APBA2: variants seen among roughly 807,000 people sequenced by gnomAD.
The protein encoded by APBA2 is amyloid-beta A4 precursor protein-binding family A member 2.
APBA2 carries 30 observed loss-of-function variants against 75.0 expected under a neutral mutation model. The observed-to-expected ratio is 0.40, with a 90% CI of 0.30 to 0.54. The LOEUF is 0.54. Among genes scored for constraint, APBA2 ranks in the 20% least tolerant of loss-of-function variants. APBA2 has a pLI of 0.49. For synonymous variants in APBA2, 444 were observed against 409.6 expected (o/e 1.08, Z -1.01); for missense variants, 801 against 1,016.1 (o/e 0.79, Z 2.88).
chr15:29,097,851 C>G (rs1338161422), intron 8 of APBA2, among the ~76,000 whole-genome samples: 1 of 152,200 alleles, frequency 6.6e-6, no homozygotes, highest in East Asian at 1.9e-4. Context: ...CCATTCAGCT[C>G]TCTACTTCTG....
chr15:29,076,232 G>A, intron 6 of APBA2, 141 bp downstream of exon 6: 1 of 924,522 alleles, frequency 1.1e-6, no homozygotes, highest in Non-Finnish European at 1.8e-6. Context: ...GCCATTGTCT[G>A]TTTGAACACT....
chr15:28,905,015 C>G (rs1849931359), intron 1 of APBA2, among the ~76,000 whole-genome samples: 1 of 152,142 alleles, frequency 6.6e-6, no homozygotes, highest in South Asian at 2.1e-4. Flanking sequence ...TTGAACATGT[C>G]TTATTTTGCT....
chr15:28,913,496 C>T (rs2033528811), intron 1 of APBA2, among the ~76,000 whole-genome samples: 1 of 152,152 alleles, frequency 6.6e-6, no homozygotes, highest in Admixed American at 6.5e-5. Context: ...GGTTTGCAAG[C>T]CACTCCCTGG....
chr15:28,952,472 CA>C (rs1300359383), intron 2 of APBA2, among the ~76,000 whole-genome samples: 2 of 152,100 alleles, frequency 1.3e-5, no homozygotes, highest in African/African-American at 4.8e-5. Flanking sequence ...GTTGAGGCTG[CA>C]GTGAGCCATG....
chr15:28,901,519 T>C (rs1442962426), intron 1 of APBA2, among the ~76,000 whole-genome samples: 1 of 152,196 alleles, frequency 6.6e-6, no homozygotes, highest in African/African-American at 2.4e-5. Flanking sequence ...GTGCTGTGTG[T>C]GGTTCAGAAG....
At chr15:29,112,179 C>T (rs1039896391) in intron 13 of APBA2, among the ~76,000 whole-genome samples, 1 of 152,218 alleles carries the variant, frequency 6.6e-6, no homozygotes, top group Non-Finnish European at 1.5e-5. Flanking sequence ...ATCCCGGGAG[C>T]TGGTGGGCAG....
intron 9 of APBA2, among the ~76,000 whole-genome samples, chr15:29,099,516 C>T (rs370167568): frequency 6.6e-6 from 1 of 152,230 alleles, no homozygotes; most frequent in South Asian, 2.1e-4. Context: ...GCACCCTCTG[C>T]CTGGCAGCTA....
At chr15:29,070,782 G>A (rs1042037414) in intron 4 of APBA2, 13 of 267,678 alleles carry the variant, frequency 4.9e-5, no homozygotes, top group South Asian at 1.1e-4. Context: ...AGCGGGTCTC[G>A]GCCGCCCCTT....
At chr15:29,056,960 TAAC>T (rs891237425) in intron 4 of APBA2, among the ~76,000 whole-genome samples, 2 of 152,004 alleles carry the variant, frequency 1.3e-5, no homozygotes, top group African/African-American at 4.8e-5. Flanking sequence ...TTGCTTGAAA[TAAC>T]AACCTGCTTT....
intron 1 of APBA2, among the ~76,000 whole-genome samples, chr15:28,886,788 A>T (rs1183168090): frequency 6.6e-6 from 1 of 152,148 alleles, no homozygotes; most frequent in African/African-American, 2.4e-5. Context: ...CCAGAGGGGA[A>T]AACTTATCAA....
chr15:29,100,930 G>A (rs2044089756), intron 9 of APBA2, among the ~76,000 whole-genome samples: 1 of 152,212 alleles, frequency 6.6e-6, no homozygotes, highest in Non-Finnish European at 1.5e-5. Flanking sequence ...ACTGAGATGA[G>A]GGCAGAGTGA....
At chr15:28,994,591 G>A (rs752944019) in intron 2 of APBA2, among the ~76,000 whole-genome samples, 12 of 152,168 alleles carry the variant, frequency 7.9e-5, no homozygotes, top group Non-Finnish European at 1.2e-4. Context: ...CCTCAGAGAC[G>A]TTGGGTCATC....
chr15:28,915,542 T>C (rs1450969573), intron 1 of APBA2, among the ~76,000 whole-genome samples: 9 of 136,464 alleles, frequency 6.6e-5, no homozygotes, highest in African/African-American at 2.5e-4. Context: ...ATAGACACCA[T>C]ACACACATCA....
At chr15:29,001,395 G>T (rs995489306) in intron 3 of APBA2, among the ~76,000 whole-genome samples, 1 of 152,074 alleles carries the variant, frequency 6.6e-6, no homozygotes, top group Non-Finnish European at 1.5e-5. Flanking sequence ...ATCTTTTGTA[G>T]AGAGGGCATT....
chr15:29,089,402 GC>G (rs1233544688), intron 6 of APBA2, among the ~76,000 whole-genome samples: 1 of 152,206 alleles, frequency 6.6e-6, no homozygotes, highest in Non-Finnish European at 1.5e-5. Flanking sequence ...AAGACTCCGT[GC>G]CTTTGCAGAG....
In APBA2 at chr15:29,118,291, A is replaced by G. The variant is rs1052071602; in HGVS notation, c.*1158A>G. 5.2e-5 allele frequency: 8 copies of G among 152,472 alleles called. No individual in the cohort carries two copies. Among genetic ancestry groups the G allele is most frequent in the African/African-American group, 1.4e-4 (6 of 41,472 alleles). 9.4% of individuals were successfully genotyped at this position (152,472 alleles called of 1,614,324 possible). ...GTAGGAAGACTTCGCGCATATCACT[A>G]ATAAACCTGAAGTCGTGATGAAAAG... On this transcript the variant is annotated 3_prime_UTR_variant, in exon 15 of 15. Coordinates refer to ENST00000683413, the MANE Select transcript of APBA2 (RefSeq NM_001353788.2).
rs531199318 is a variant in APBA2 at position 29,064,859 on chromosome 15, C to T, written c.951+10024C>T. Among the ~76,000 whole-genome samples, 11 of 152,178 alleles carry T rather than the reference C, an allele frequency of 7.2e-5. No individual in the cohort carries two copies. In the East Asian group the frequency reaches 7.7e-4, roughly 11 times the overall value. ...TACTGGGGAAGAAAGCACCCGTTGG[C>T]GGTGGCCACCTGTTGGCGGGGTCCC... On this transcript the variant is annotated intron_variant, in intron 4 of 14. Transcript: ENST00000683413.
intron 8 of APBA2, among the ~76,000 whole-genome samples, chr15:29,097,599 A>G (rs1288146138): frequency 6.6e-6 from 1 of 152,282 alleles, no homozygotes; most frequent in African/African-American, 2.4e-5. Flanking sequence ...TGGAGCATAT[A>G]CACATTGTGA....
chr15:29,093,854 A>G (rs971168429), intron 7 of APBA2, among the ~76,000 whole-genome samples: 1 of 152,090 alleles, frequency 6.6e-6, no homozygotes, highest in African/African-American at 2.4e-5. Context: ...AACCTCCTCT[A>G]ACAGAAGCAG....
Sources: gnomAD v4.1 joint callset for allele counts (sites outside exome capture counted in the v4.1 genomes callset) on GRCh38, gnomAD v4.1.1 for gene constraint, MANE v1.5 for transcripts, NCBI Gene and HGNC (gene_info 2026-07-23, HGNC 2026-07-21) for gene names.